PCDHGA8: variants seen among roughly 807,000 people sequenced by gnomAD.
The protein encoded by PCDHGA8 is protocadherin gamma subfamily A, 8.
A neutral mutation model predicts 59.2 loss-of-function variants in PCDHGA8; 45 were observed. The observed-to-expected ratio is 0.76, with a 90% confidence interval of 0.60 to 0.98. The LOEUF (loss-of-function observed/expected upper bound fraction) is 0.98. Ranked by LOEUF, PCDHGA8 falls within the 50% of genes least tolerant of loss-of-function variation. The pLI is 0.00. For synonymous variants in PCDHGA8, 531 were observed against 519.0 expected, an observed-to-expected ratio of 1.02 and a Z score of -0.32; for missense variants, 1,257 against 1,196.2, an observed-to-expected ratio of 1.05 and a Z score of -0.75.
rs1300601208 is a variant in PCDHGA8 at position 141,499,206 on chromosome 5, AC to A, written c.2483+4344del. On this transcript the variant is annotated intron_variant, in intron 2 of 3. Transcript: ENST00000398604. ...ACCATTTCCCCCTTCTTAGGCTGTA[AC>A]CCAGGCCCTGCCCTGCAGCTGTCCC... Among the ~76,000 whole-genome samples the A allele has an allele frequency of 3.3e-5, 5 of 152,062 alleles. No homozygotes were observed. In the East Asian group the frequency reaches 7.7e-4, roughly 24 times the overall value.
intron 1 of PCDHGA8, among the ~76,000 whole-genome samples, chr5:141,448,632 T>G (rs1383720361): frequency 1.3e-5 from 2 of 152,106 alleles, no homozygotes; most frequent in Admixed American, 1.3e-4. Context: ...TTCTTCACAT[T>G]ATATCCTTTA....
At chr5:141,421,841 AAG>A in intron 1 of PCDHGA8, 1 of 1,613,750 alleles carries the variant, frequency 6.2e-7, no homozygotes. Context: ...GACCGAGAGA[AAG>A]AGGCTGCTCA....
At chr5:141,438,720 G>A (rs1393152221) in intron 1 of PCDHGA8, among the ~76,000 whole-genome samples, 1 of 147,892 alleles carries the variant, frequency 6.8e-6, no homozygotes, top group Non-Finnish European at 1.5e-5. Flanking sequence ...GAGTGCAAGT[G>A]GTGTGATCTC....
intron 1 of PCDHGA8, among the ~76,000 whole-genome samples, chr5:141,435,783 G>A (rs1273339025): frequency 6.6e-6 from 1 of 152,124 alleles, no homozygotes; most frequent in Non-Finnish European, 1.5e-5. Context: ...TAAAGGTGCA[G>A]GGAAACATAA....
At chr5:141,462,990 A>G (rs181384059) in intron 1 of PCDHGA8, among the ~76,000 whole-genome samples, 1 of 152,126 alleles carries the variant, frequency 6.6e-6, no homozygotes, top group Non-Finnish European at 1.5e-5. Flanking sequence ...GCCTTGGGCT[A>G]ATTTAGACCT....
intron 2 of PCDHGA8, among the ~76,000 whole-genome samples, chr5:141,501,236 G>T (rs571684337): frequency 5.5e-4 from 83 of 150,782 alleles, no homozygotes; most frequent in African/African-American, 2.0e-3. Context: ...TCAGTTTTTT[G>T]AGCATGATGT....
chr5:141,428,341 C>T, intron 1 of PCDHGA8: 1 of 602,086 alleles, frequency 1.7e-6, no homozygotes, highest in Non-Finnish European at 3.0e-6. Flanking sequence ...GCTCTTCTTC[C>T]TCGCAGTGAT....
At chr5:141,419,959 T>C (rs765017440) in intron 1 of PCDHGA8, 5 of 1,614,104 alleles carry the variant, frequency 3.1e-6, no homozygotes, top group Non-Finnish European at 3.4e-6. Flanking sequence ...CCTTGATTTC[T>C]GTGCTCTTTC....
intron 1 of PCDHGA8, chr5:141,409,152 T>C: frequency 6.2e-7 from 1 of 1,613,988 alleles, no homozygotes; most frequent in Non-Finnish European, 8.5e-7. Context: ...AGGTACACCA[T>C]GGAAGTGGAA....
rs1222348421 is a variant in PCDHGA8, at chr5:141,511,044, C to T, written c.2670C>T (p.Asp890=). 1 of 1,614,128 alleles carries T rather than the reference C, an allele frequency of 6.2e-7. No homozygotes were observed. The highest frequency in any genetic ancestry group is 1.3e-5 in the African/African-American group (1 of 74,940). ...GPQFTLQHVP[D]YRQNVYIPGS... is the part of the protein sequence containing the mutation. ...AGTTCACCCTGCAGCACGTGCCCGA[C>T]TACCGCCAGAATGTCTACATCCCAG... The change falls in exon 4 of 4, where the codon GAC becomes GAT. Residue 890 remains aspartate, a synonymous_variant. Coordinates refer to ENST00000398604, the MANE Select transcript of PCDHGA8 (RefSeq NM_032088.2).
In PCDHGA8 at chr5:141,394,263, A is replaced by T; in HGVS notation, c.1450A>T (p.Asn484Tyr). 1 of 1,613,884 alleles carries T rather than the reference A, an allele frequency of 6.2e-7. No homozygotes were observed. Among genetic ancestry groups the T allele is most frequent in the Non-Finnish European group, 8.5e-7 (1 of 1,179,854 alleles). ...LTAHDPDSQE[N>Y]AQVTYSVTED... ...TGCACACGACCCCGACAGCCAGGAG[A>T]ATGCCCAGGTCACTTACTCTGTGAC... is the stretch of plus-strand genomic sequence containing the variant. Residue 484 changes from asparagine to tyrosine, a missense_variant, in exon 1 of 4, where the codon AAT (asparagine) becomes TAT (tyrosine). Coordinates refer to ENST00000398604, the MANE Select transcript of PCDHGA8 (RefSeq NM_032088.2).
At chr5:141,398,632 A>G (rs1589336934) in intron 1 of PCDHGA8, 7 of 1,613,946 alleles carry the variant, frequency 4.3e-6, no homozygotes, top group Non-Finnish European at 5.1e-6. Context: ...CTCTCTGCAG[A>G]AGTATAAACT....
chr5:141,468,845 A>G (rs1426852752), intron 1 of PCDHGA8, among the ~76,000 whole-genome samples: 3 of 152,150 alleles, frequency 2.0e-5, no homozygotes, highest in Non-Finnish European at 2.9e-5. Flanking sequence ...CAGCCTGGGC[A>G]ACAGAGCGAG....
At chr5:141,413,488 C>G in intron 1 of PCDHGA8, 1 of 1,613,986 alleles carries the variant, frequency 6.2e-7, no homozygotes, top group Non-Finnish European at 8.5e-7. Context: ...TCAGAGCGCG[C>G]GGTGCGTGGT....
intron 1 of PCDHGA8, chr5:141,428,769 T>A (rs1367357065): frequency 6.5e-6 from 1 of 154,242 alleles, no homozygotes; most frequent in Non-Finnish European, 1.4e-5. Flanking sequence ...TTGCCCACTC[T>A]TAATATTTCC....
At chr5:141,423,313 G>A (rs1407028245) in intron 1 of PCDHGA8, 3 of 1,614,184 alleles carry the variant, frequency 1.9e-6, no homozygotes, top group Non-Finnish European at 1.7e-6. Context: ...GTACTTGGTG[G>A]TGGCGGTGGC....
chr5:141,456,020 C>T (rs2098840631), intron 1 of PCDHGA8, among the ~76,000 whole-genome samples: 1 of 151,834 alleles, frequency 6.6e-6, no homozygotes, highest in South Asian at 2.1e-4. Flanking sequence ...GCCTCAGCCT[C>T]CCGAGTAGCT....
chr5:141,478,101 T>G, intron 1 of PCDHGA8: 1 of 1,614,018 alleles, frequency 6.2e-7, no homozygotes, highest in Middle Eastern at 1.6e-4. Flanking sequence ...ACTGCTACCC[T>G]CACTGTGTCA....
In PCDHGA8 at chr5:141,414,479, C is replaced by G. The variant is rs752879517; in HGVS notation, c.2424+19242C>G. The G allele has an allele frequency of 3.1e-6, 5 of 1,613,906 alleles. No homozygotes were observed. The highest frequency in any genetic ancestry group is 1.3e-5 in the African/African-American group (1 of 75,040). Reference sequence around the variant, plus strand: ...ACAGCCACAGATGGGGGAAGTCCTCCTCTATCAACGGAAGCTCACTTTATG... The same window carrying G: ...ACAGCCACAGATGGGGGAAGTCCTCGTCTATCAACGGAAGCTCACTTTATG... On this transcript the variant is annotated intron_variant, in intron 1 of 3. Coordinates refer to ENST00000398604, the MANE Select transcript of PCDHGA8 (RefSeq NM_032088.2).
Sources: allele counts gnomAD v4.1 joint callset (sites outside exome capture counted in the v4.1 genomes callset), GRCh38; gene constraint gnomAD v4.1.1; transcripts MANE v1.5; gene names NCBI Gene and HGNC (gene_info 2026-07-23, HGNC 2026-07-21).